The following PLXND1 variants were observed in gnomAD, a reference collection of about 807,000 sequenced individuals.
PLXND1 encodes the protein plexin D1, also known as plexin-D1.
In PLXND1, 54 loss-of-function variants were observed where a neutral mutation model predicts 197.7. The observed-to-expected ratio is 0.27, with a 90% CI of 0.22 to 0.34. The LOEUF (loss-of-function observed/expected upper bound fraction) is 0.34, where lower values mean the gene tolerates loss of function less well. PLXND1 is among the 10% of genes least tolerant of loss of function. The pLI is 1.00. For synonymous variants in PLXND1, 1,180 were observed against 1,161.2 expected, an observed-to-expected ratio of 1.02 and a Z score of -0.33; for missense variants, 2,127 against 2,699.2, an observed-to-expected ratio of 0.79 and a Z score of 4.70.
chr3:129,597,338 C>A (rs2085640210), intron 1 of PLXND1, among the ~76,000 whole-genome samples: 1 of 152,194 alleles, frequency 6.6e-6, no homozygotes, highest in African/African-American at 2.4e-5. Context: ...GCTGGGGAAA[C>A]TGAGGCCCAT....
Position 129,584,439 on chromosome 3 carries a change from C to G in PLXND1, c.1975G>C (p.Ala659Pro). 1.9e-6 allele frequency: 3 copies of G among 1,613,704 alleles called. No individual in the cohort carries two copies. Among genetic ancestry groups the G allele is most frequent in the Non-Finnish European group, 2.5e-6 (3 of 1,179,910 alleles). ...TCCCTCGGCAGGAGGTTGCAGTAGG[C>G]AATCTGGTGACCAAAGGCAGGGCCT... ...VPGPAFGHQI[A>P]YCNLLPRDQF... is the part of the protein sequence containing the mutation. The change falls in exon 6 of 36, where the codon GCC becomes CCC. Residue 659 changes from alanine to proline, a missense_variant. Physicochemically the swap from Ala to Pro is conservative, Grantham distance 27. Transcript: ENST00000324093.
Position 129,565,558 on chromosome 3 carries a change from G to C in PLXND1, c.4323-20C>G. On this transcript the variant is annotated intron_variant, in intron 24 of 35. Coordinates refer to ENST00000324093, the MANE Select transcript of PLXND1 (RefSeq NM_015103.3). Reference sequence around the variant, plus strand: ...CTGCACCTGTGAGCGGGAGGCAGGTGTCAACTGCACCTTGAGGCCCTAGGA... The same window carrying C: ...CTGCACCTGTGAGCGGGAGGCAGGTCTCAACTGCACCTTGAGGCCCTAGGA... 2 of 1,606,028 alleles carry C rather than the reference G, an allele frequency of 1.2e-6. No individual in the cohort carries two copies. Among genetic ancestry groups the C allele is most frequent in the Non-Finnish European group, 1.7e-6 (2 of 1,174,164 alleles).
At position 129,573,725 on chromosome 3, in the gene PLXND1, C is replaced by T. The variant is rs771219903; in HGVS notation, c.2706G>A (p.Pro902=). The stretch of plus-strand genomic sequence containing the variant: ...TGGTCAGCAGGGTCCCACCGTCCAA[C>T]GGGCCACTCAGGGGCTCAATCTGCC... ...EIHAIEPLSG[P]LDGGTLLTIR... Residue 902 remains proline (P), a synonymous_variant, in exon 13 of 36, where the codon CCG becomes CCA. Coordinates refer to ENST00000324093, the MANE Select transcript of PLXND1 (RefSeq NM_015103.3). The T allele has an allele frequency of 5.0e-5, 80 of 1,613,458 alleles. No individual in the cohort carries two copies. The highest frequency in any genetic ancestry group is 1.6e-4 in the East Asian group (7 of 44,886).
At position 129,559,605 on chromosome 3, in the gene PLXND1, C is replaced by A. The variant is rs200337183; in HGVS notation, c.5297+15G>T. The A allele has an allele frequency of 3.6e-3, 5,532 of 1,534,962 alleles. 28 individuals are homozygous for A. Among genetic ancestry groups the A allele is most frequent in the Non-Finnish European group, 3.1e-3 (3,541 of 1,146,466 alleles). On this transcript the variant is annotated intron_variant, in intron 32 of 35. Coordinates refer to ENST00000324093, the MANE Select transcript of PLXND1 (RefSeq NM_015103.3). ...AGTGGCACAGTGAAGTCCACACGGC[C>A]CCCCCACCCGCCACCTGTTGGTCTT...
At chr3:129,574,299 A>T in intron 12 of PLXND1, 37 bp downstream of exon 12, 1 of 1,546,420 alleles carries the variant, frequency 6.5e-7, no homozygotes, top group Non-Finnish European at 8.7e-7. Flanking sequence ...GCCGTGCCGG[A>T]GTGCGGGTGC....
In PLXND1 at chr3:129,571,837, C is replaced by T; in HGVS notation, c.3085G>A (p.Asp1029Asn). The part of the protein sequence containing the change: ...TDPCTELMRT[D>N]TSIACTMPEG... ...GGCATGGTGCAGGCGATGCTGGTAT[C>T]TGTGCGCCTGGGGGGAGCAGCAGGT... Residue 1029 changes from aspartate to asparagine, a missense_variant, in exon 16 of 36, where the codon GAT (aspartate) becomes AAT (asparagine). Coordinates refer to ENST00000324093, the MANE Select transcript of PLXND1 (RefSeq NM_015103.3). 6.2e-7 allele frequency: 1 copy of T among 1,611,112 alleles called. No individual in the cohort carries two copies. Among genetic ancestry groups the T allele is most frequent in the Non-Finnish European group, 8.5e-7 (1 of 1,179,016 alleles).
chr3:129,592,804 G>A (rs1303294014), intron 1 of PLXND1, among the ~76,000 whole-genome samples: 3 of 152,220 alleles, frequency 2.0e-5, no homozygotes, highest in Non-Finnish European at 4.4e-5. Flanking sequence ...TTCCCCAGCT[G>A]CCAGGGGAAA....
chr3:129,571,102 T>C lies in PLXND1; in HGVS notation c.3538A>G (p.Thr1180Ala). ...TTGATCCACTTCTCCCTCTTGGCCG[T>C]AGAGAACTGTGGGTTGGGGAGGTAG... ...LDYLPNPQFSTAKREKWIKHH... is the reference protein window; with the variant it reads ...LDYLPNPQFSAAKREKWIKHH... The change falls in exon 18 of 36, where the codon ACG (threonine) becomes GCG (alanine). Residue 1180 changes from threonine (T) to alanine (A), a missense_variant. By Grantham distance (58) the Thr-to-Ala change is moderately conservative (BLOSUM62 0). Around this residue, in one of 6 missense-constraint regions of PLXND1, gnomAD observed 532 missense variants for 811.0 expected, o/e 0.66. Transcript: ENST00000324093. 1 of 1,614,138 alleles carries C rather than the reference T, an allele frequency of 6.2e-7. No homozygotes were observed. Among genetic ancestry groups the C allele is most frequent in the East Asian group, 2.2e-5 (1 of 44,878 alleles).
rs149986823 is a variant in PLXND1 at position 129,595,654 on chromosome 3, A to G, written c.1312-6127T>C. 3.8e-3 allele frequency among the ~76,000 whole-genome samples: 582 copies of G among 152,196 alleles called. 5 individuals carry two copies. The highest frequency in any genetic ancestry group is 6.8e-3 in the Non-Finnish European group (465 of 67,992). ...GGGGAGGCCTGCCTTGGTTTCCCTG[A>G]CCCCTCTGGAAGAGGCGGGTCACCC... On this transcript the variant is annotated intron_variant, in intron 1 of 35. Transcript: ENST00000324093.
At position 129,565,347 on chromosome 3, in the gene PLXND1, C is replaced by G. The variant is rs746397734; in HGVS notation, c.4514G>C (p.Cys1505Ser). The G allele has an allele frequency of 3.1e-6, 5 of 1,613,556 alleles. No individual in the cohort carries two copies. Among genetic ancestry groups the G allele is most frequent in the South Asian group, 1.1e-5 (1 of 91,082 alleles). ...TNWMSICMYS[C>S]LRETVGEPFF... ...GTCCCCAGGCAGCCTCACCCGCAGACAGCTGTACATGCAGATGGACATCCA... is the reference window on the plus strand; with the variant it reads ...GTCCCCAGGCAGCCTCACCCGCAGAGAGCTGTACATGCAGATGGACATCCA... Residue 1505 changes from cysteine to serine, a missense_variant, in exon 25 of 36, where the codon TGT (cysteine) becomes TCT (serine). Cys to Ser is a moderately radical substitution (Grantham distance 112). Coordinates refer to ENST00000324093, the MANE Select transcript of PLXND1 (RefSeq NM_015103.3).
At chr3:129,565,109 T>C (rs2085118826) in intron 25 of PLXND1, among the ~76,000 whole-genome samples, 1 of 152,242 alleles carries the variant, frequency 6.6e-6, no homozygotes, top group Non-Finnish European at 1.5e-5. Flanking sequence ...ACCTCTGTTA[T>C]GCCCCAAGCA....
At position 129,556,167 on chromosome 3, in the gene PLXND1, G is replaced by C; in HGVS notation, c.*145C>G. 2 of 682,954 alleles carry C rather than the reference G, an allele frequency of 2.9e-6. No individual in the cohort carries two copies. The highest frequency in any genetic ancestry group is 3.3e-5 in the South Asian group (2 of 60,036). The allele number at this position is 682,954 out of a possible 1,614,324, so 42.3% of individuals were successfully genotyped here. ...AAGGCGGGGGCGCCCCTGTCTCAGA[G>C]AGCAGCCCCTCCTCCTGCCCCCGCC... On this transcript the variant is annotated 3_prime_UTR_variant, in exon 36 of 36. Coordinates refer to ENST00000324093, the MANE Select transcript of PLXND1 (RefSeq NM_015103.3).
chr3:129,562,166 C>T (rs544955913), intron 27 of PLXND1, among the ~76,000 whole-genome samples: 1 of 152,222 alleles, frequency 6.6e-6, no homozygotes, highest in South Asian at 2.1e-4. Flanking sequence ...GTCTGCAAGG[C>T]TGTTCATGTT....
intron 1 of PLXND1, among the ~76,000 whole-genome samples, chr3:129,599,864 C>A (rs765423269): frequency 2.0e-5 from 3 of 152,212 alleles, no homozygotes; most frequent in Non-Finnish European, 4.4e-5. Flanking sequence ...CTTCTATCTG[C>A]GGATCCAGAC....
At chr3:129,566,664 G>T in intron 22 of PLXND1, 33 bp from the exon 23 acceptor site, 1 of 1,346,050 alleles carries the variant, frequency 7.4e-7, no homozygotes, top group Non-Finnish European at 1.1e-6. Context: ...TCTCAGCGGG[G>T]CTGGACACCC....
At chr3:129,556,977 C>G in intron 34 of PLXND1, 106 bp downstream of exon 34, 1 of 1,265,110 alleles carries the variant, frequency 7.9e-7, no homozygotes, top group South Asian at 1.4e-5. Context: ...CTGAAATGCC[C>G]TCTGCGCTCC....
At position 129,558,469 on chromosome 3, in the gene PLXND1, A is replaced by G. The variant is rs774760116; in HGVS notation, c.5404T>C (p.Phe1802Leu). 2 of 1,613,866 alleles carry G rather than the reference A, an allele frequency of 1.2e-6. No homozygotes were observed. The highest frequency in any genetic ancestry group is 2.7e-5 in the African/African-American group (2 of 75,028). Residue 1802 changes from phenylalanine (F) to leucine (L), a missense_variant, in exon 33 of 36, where the codon TTC becomes CTC. Around this residue, in one of 6 missense-constraint regions of PLXND1, gnomAD observed 200 missense variants for 303.3 expected, o/e 0.66. Coordinates refer to ENST00000324093, the MANE Select transcript of PLXND1 (RefSeq NM_015103.3). The surrounding 1 kb of genome is among the most constrained non-coding windows in gnomAD (Gnocchi z 4.1). Reference sequence around the variant, plus strand: ...TCAGAGATGGAGCAGGCGTCGATGAAGGCCTGCGCGATGACTGAAAGGCAG... The same window carrying G: ...TCAGAGATGGAGCAGGCGTCGATGAGGGCCTGCGCGATGACTGAAAGGCAG... ...DACLSVIAQA[F>L]IDACSISDLQ...
chr3:129,605,798 C>T lies in PLXND1; in HGVS notation c.842G>A (p.Ser281Asn), dbSNP rs765763651. The change falls in exon 1 of 36, where the codon AGC becomes AAC. Residue 281 changes from serine (S) to asparagine (N), a missense_variant. Physicochemically the swap from Ser to Asn is conservative, Grantham distance 46. Around this residue, in one of 6 missense-constraint regions of PLXND1, gnomAD observed 1,095 missense variants for 1,259.8 expected, o/e 0.87. Coordinates refer to ENST00000324093, the MANE Select transcript of PLXND1 (RefSeq NM_015103.3). Reference sequence around the variant, plus strand: ...CGGGTCGGACGGGTGCAGGAAGGCGCTCACGAAGCCCAGCTTGTGCTGCTC... The same window carrying T: ...CGGGTCGGACGGGTGCAGGAAGGCGTTCACGAAGCCCAGCTTGTGCTGCTC... ...AKEQHKLGFVSAFLHPSDPPP... is the reference protein window; with the variant it reads ...AKEQHKLGFVNAFLHPSDPPP... The T allele has an allele frequency of 1.3e-6, 2 of 1,599,552 alleles. No individual in the cohort carries two copies. Among genetic ancestry groups the T allele is most frequent in the East Asian group, 4.5e-5 (2 of 43,992 alleles).
In PLXND1 at chr3:129,606,059, A is replaced by C; in HGVS notation, c.581T>G (p.Leu194Arg). 6.3e-7 allele frequency: 1 copy of C among 1,582,938 alleles called. No individual in the cohort carries two copies. Among genetic ancestry groups the C allele is most frequent in the Non-Finnish European group, 8.6e-7 (1 of 1,169,168 alleles). ...CGCGCCCGCGGCGGGAGGCAGAACT[A>C]GCCCCACGGTGGACGCGTTCGGGTG... ...ANHPNASTVGLVLPPAAGAGG... is the reference protein window; with the variant it reads ...ANHPNASTVGRVLPPAAGAGG... Residue 194 changes from leucine to arginine, a missense_variant, in exon 1 of 36, where the codon CTA becomes CGA. Transcript: ENST00000324093.
Sources: allele counts gnomAD v4.1 joint callset (sites outside exome capture counted in the v4.1 genomes callset), GRCh38; gene constraint gnomAD v4.1.1; regional missense constraint gnomAD v4.1.1; non-coding constraint Gnocchi (gnomAD v3.1); transcripts MANE v1.5; gene names NCBI Gene and HGNC (gene_info 2026-07-23, HGNC 2026-07-21).